The following FBXL8 variants were observed in gnomAD, a reference collection of about 807,000 sequenced individuals.
FBXL8 encodes F-box/LRR-repeat protein 8.
Under a neutral mutation model 8.2 loss-of-function variants are expected in FBXL8, and 13 were observed. The ratio of observed to expected loss-of-function variants is 1.58; its 90% CI spans 1.03 to 2.51. The LOEUF (loss-of-function observed/expected upper bound fraction) is 2.51. Ranked by LOEUF, FBXL8 falls within the 30% of genes most tolerant of loss-of-function variation. FBXL8 has a pLI of 0.00. For synonymous variants in FBXL8, 271 were observed against 260.5 expected (o/e 1.04, Z -0.39); for missense variants, 565 against 540.4 (o/e 1.05, Z -0.45).
At chr16:67,160,799 C>G (rs1160267237) in intron 1 of FBXL8, among the ~76,000 whole-genome samples, 10 of 152,256 alleles carry the variant, frequency 6.6e-5, no homozygotes, top group Admixed American at 6.5e-5. Context: ...AAAGGCTGCG[C>G]TCCAGGGTGG....
At chr16:67,162,728 C>A in intron 2 of FBXL8, 120 bp from the exon 3 acceptor site, 1 of 1,358,624 alleles carries the variant, frequency 7.4e-7, no homozygotes, top group Non-Finnish European at 1.0e-6. Context: ...TGAACAGAGA[C>A]GTGGGGAGGG....
At position 67,163,018 on chromosome 16, in the gene FBXL8, T is replaced by C; in HGVS notation, c.323T>C (p.Leu108Pro). 1 of 1,556,642 alleles carries C rather than the reference T, an allele frequency of 6.4e-7. No homozygotes were observed. Among genetic ancestry groups the C allele is most frequent in the Non-Finnish European group, 8.7e-7 (1 of 1,150,176 alleles). Residue 108 changes from leucine to proline, a missense_variant, in exon 3 of 3, where the codon CTG becomes CCG. Transcript: ENST00000258200. The stretch of plus-strand genomic sequence containing the variant: ...GCCCCGGGGCTGCGAGGCCTGCGCC[T>C]GGAGTGCCGCGGAGAAAAACCGCTC... ...GRAPGLRGLR[L>P]ECRGEKPLFD...
chr16:67,161,837 C>T lies in FBXL8; in HGVS notation c.52C>T (p.Arg18Cys), dbSNP rs769319847. 4 of 1,610,484 alleles carry T rather than the reference C, an allele frequency of 2.5e-6. No homozygotes were observed. The highest frequency in any genetic ancestry group is 1.1e-5 in the South Asian group (1 of 90,296). The change falls in exon 2 of 3, where the codon CGC (arginine) becomes TGC (cysteine). Residue 18 changes from arginine (R) to cysteine (C), a missense_variant. Arg to Cys is a radical substitution (Grantham distance 180, BLOSUM62 -3). Coordinates refer to ENST00000258200, the MANE Select transcript of FBXL8 (RefSeq NM_018378.3). ...LPEEVLALIF[R>C]HLSLRDRAAA... Reference sequence around the variant, plus strand: ...AGAGGAGGTGCTGGCACTCATCTTCCGCCACCTGTCCCTGAGAGACCGTGC... The same window carrying T: ...AGAGGAGGTGCTGGCACTCATCTTCTGCCACCTGTCCCTGAGAGACCGTGC...
chr16:67,163,272 C>G lies in FBXL8; in HGVS notation c.577C>G (p.Leu193Val), dbSNP rs369684413. ...VLELLEACPRLRALGLHLASL... is the reference protein window; with the variant it reads ...VLELLEACPRVRALGLHLASL... Reference sequence around the variant, plus strand: ...CGAGCTACTGGAGGCCTGCCCGCGCCTGCGCGCTCTCGGCCTGCACCTAGC... The same window carrying G: ...CGAGCTACTGGAGGCCTGCCCGCGCGTGCGCGCTCTCGGCCTGCACCTAGC... The change falls in exon 3 of 3, where the codon CTG becomes GTG. Residue 193 changes from leucine to valine, a missense_variant. Leu to Val is a conservative substitution (Grantham distance 32, BLOSUM62 1). Transcript: ENST00000258200. 6.6e-5 allele frequency: 103 copies of G among 1,570,288 alleles called. No homozygotes were observed. Among genetic ancestry groups the G allele is most frequent in the Non-Finnish European group, 8.3e-5 (96 of 1,159,074 alleles).
rs376436717 is a variant in FBXL8 at position 67,163,852 on chromosome 16, C to A, written c.*32C>A. 19 of 1,513,674 alleles carry A rather than the reference C, an allele frequency of 1.3e-5. No individual in the cohort carries two copies. In the African/African-American group the frequency reaches 2.4e-4, roughly 19 times the overall value. The allele number at this position is 1,513,674 out of a possible 1,614,324, so 93.8% of individuals were successfully genotyped here. A position where few individuals can be genotyped will look rare whatever the true frequency, so the allele number is the denominator to read the frequency against. ...GACTTCTCTCCCCCGTCCCCGTGGA[C>A]GTAAGCGCTCTGAGAGGGAACGGGG... On this transcript the variant is annotated 3_prime_UTR_variant, in exon 3 of 3. Transcript: ENST00000258200.
Position 67,161,738 on chromosome 16 carries a change from G to A in FBXL8, c.-48G>A, listed in dbSNP as rs770600823. ...AGAGACGTCCGTCTCTCTCCAGGCC[G>A]GAGCTATTGGGAGTGGCGGATCCTC... On this transcript the variant is annotated 5_prime_UTR_variant, in exon 2 of 3. Transcript: ENST00000258200. 4 of 1,522,594 alleles carry A rather than the reference G, an allele frequency of 2.6e-6. No homozygotes were observed. Among genetic ancestry groups the A allele is most frequent in the Non-Finnish European group, 2.7e-6 (3 of 1,130,442 alleles). The allele number at this position is 1,522,594 out of a possible 1,614,324, so 94.3% of individuals were successfully genotyped here.
intron 1 of FBXL8, 124 bp from the exon 2 acceptor site, chr16:67,161,607 TTATC>T: frequency 1.6e-6 from 1 of 642,676 alleles, no homozygotes; most frequent in Non-Finnish European, 2.4e-6. Context: ...AGTTTCGGGG[TTATC>T]TGATGCCCCA....
At position 67,163,711 on chromosome 16, in the gene FBXL8, T is replaced by C. The variant is rs1336028130; in HGVS notation, c.1016T>C (p.Val339Ala). 2 of 1,595,478 alleles carry C rather than the reference T, an allele frequency of 1.3e-6. No individual in the cohort carries two copies. Among genetic ancestry groups the C allele is most frequent in the Admixed American group, 1.7e-5 (1 of 59,620 alleles). The change falls in exon 3 of 3, where the codon GTG becomes GCG. Residue 339 changes from valine (V) to alanine (A), a missense_variant. By Grantham distance (64) the Val-to-Ala change is moderately conservative (BLOSUM62 0). Transcript: ENST00000258200. Reference sequence around the variant, plus strand: ...CGCGAGGTGCATTGTTTCTGCGTGGTGAGCCACTCGGTGCTGGACGCCTTC... The same window carrying C: ...CGCGAGGTGCATTGTTTCTGCGTGGCGAGCCACTCGGTGCTGGACGCCTTC... ...ALREVHCFCV[V>A]SHSVLDAFRA...
chr16:67,160,626 G>A (rs1438539455), intron 1 of FBXL8, among the ~76,000 whole-genome samples: 1 of 152,204 alleles, frequency 6.6e-6, no homozygotes, highest in Non-Finnish European at 1.5e-5. Flanking sequence ...CAGAAGAATC[G>A]CTTGAACCCG....
chr16:67,163,421 G>A lies in FBXL8; in HGVS notation c.726G>A (p.Trp242Ter), dbSNP rs992923412. 4 of 1,536,592 alleles carry A rather than the reference G, an allele frequency of 2.6e-6. No homozygotes were observed. The African/African-American group carries it at 5.5e-5, about 21-fold the overall frequency. The change falls in exon 3 of 3, where the codon TGG (tryptophan) becomes TGA (stop). Residue 242 changes from tryptophan (W) to a stop codon, truncating the protein, a stop_gained. Transcript: ENST00000258200. LOFTEE classifies it low-confidence loss of function (END_TRUNC). ...CGTCCCCGCTGCCCAACGAAGCCTG[G>A]GTCGCGTTGCGCCGCCGCCACCCTG... is the stretch of plus-strand genomic sequence containing the variant. ...ARASPLPNEA[W>*]VALRRRHPGL... is the part of the protein sequence containing the mutation.
Position 67,162,871 on chromosome 16 carries a change from T to C in FBXL8, c.176T>C (p.Met59Thr). 1 of 1,551,542 alleles carries C rather than the reference T, an allele frequency of 6.4e-7. No individual in the cohort carries two copies. Among genetic ancestry groups the C allele is most frequent in the Non-Finnish European group, 8.7e-7 (1 of 1,147,086 alleles). The change falls in exon 3 of 3, where the codon ATG (methionine) becomes ACG (threonine). Residue 59 changes from methionine (M) to threonine (T), a missense_variant. Physicochemically the swap from Met to Thr is moderately conservative, Grantham distance 81 (BLOSUM62 -1). Transcript: ENST00000258200. Reference sequence around the variant, plus strand: ...AGTTGCGAATGTGAGCTGGAAGGCATGCTGCCACCTTATCTGTCCGCCTGC... The same window carrying C: ...AGTTGCGAATGTGAGCTGGAAGGCACGCTGCCACCTTATCTGTCCGCCTGC... ...KISCECELEG[M>T]LPPYLSACLD...
chr16:67,160,872 A>T (rs1170918647), intron 1 of FBXL8, among the ~76,000 whole-genome samples: 1 of 152,184 alleles, frequency 6.6e-6, no homozygotes, highest in Middle Eastern at 3.2e-3. Flanking sequence ...CAGGGGTCGG[A>T]ACTTAAATCT....
In FBXL8 at chr16:67,163,944, C is replaced by T. The variant is rs189620418; in HGVS notation, c.*124C>T. 2.2e-4 allele frequency: 313 copies of T among 1,419,752 alleles called. No individual in the cohort carries two copies. In the African/African-American group the frequency reaches 4.0e-3, roughly 18 times the overall value. 87.9% of individuals were successfully genotyped at this position (1,419,752 alleles called of 1,614,324 possible). A position where few individuals can be genotyped will look rare whatever the true frequency, so the allele number is the denominator to read the frequency against. ...GGATTGTTGCCCCCCGGGTCTTTAC[C>T]GAGTTGGGAACTGTGATGGCATCGG... On this transcript the variant is annotated 3_prime_UTR_variant, in exon 3 of 3. Coordinates refer to ENST00000258200, the MANE Select transcript of FBXL8 (RefSeq NM_018378.3).
intron 2 of FBXL8, chr16:67,162,306 C>T (rs998461562): frequency 1.6e-5 from 7 of 434,052 alleles, no homozygotes; most frequent in Admixed American, 3.7e-5. Context: ...TCCAGCTTGG[C>T]GACAGAGTAA....
At chr16:67,161,709 C>A in intron 1 of FBXL8, 26 bp from the exon 2 acceptor site, 1 of 1,455,122 alleles carries the variant, frequency 6.9e-7, no homozygotes, top group South Asian at 1.4e-5. Flanking sequence ...GCCTTCCCGA[C>A]CTCAGAGACG....
At position 67,162,351 on chromosome 16, in the gene FBXL8, C is replaced by T. The variant is rs1169667290; in HGVS notation, c.152+414C>T. 1.2e-5 allele frequency: 6 copies of T among 514,892 alleles called. No homozygotes were observed. In the South Asian group the frequency reaches 1.3e-4, roughly 11 times the overall value. The allele number at this position is 514,892 out of a possible 1,614,324, so 31.9% of individuals were successfully genotyped here. A position where few individuals can be genotyped will look rare whatever the true frequency, so the allele number is the denominator to read the frequency against. Reference sequence around the variant, plus strand: ...TCAAAATAATAATAATAATTGCTGACGTATTGACTGCCTAGTATATACCAA... The same window carrying T: ...TCAAAATAATAATAATAATTGCTGATGTATTGACTGCCTAGTATATACCAA... On this transcript the variant is annotated intron_variant, in intron 2 of 2. Transcript: ENST00000258200.
Position 67,163,277 on chromosome 16 carries a change from C to T in FBXL8, c.582C>T (p.Arg194=). The change falls in exon 3 of 3, where the codon CGC becomes CGT. Residue 194 remains arginine, a synonymous_variant. Coordinates refer to ENST00000258200, the MANE Select transcript of FBXL8 (RefSeq NM_018378.3). ...TACTGGAGGCCTGCCCGCGCCTGCG[C>T]GCTCTCGGCCTGCACCTAGCCAGTT... is the stretch of plus-strand genomic sequence containing the variant. ...LELLEACPRL[R]ALGLHLASLS... 1 of 1,571,764 alleles carries T rather than the reference C, an allele frequency of 6.4e-7. No individual in the cohort carries two copies. Among genetic ancestry groups the T allele is most frequent in the Non-Finnish European group, 8.6e-7 (1 of 1,160,080 alleles).
At chr16:67,162,485 G>A in intron 2 of FBXL8, 1 of 655,760 alleles carries the variant, frequency 1.5e-6, no homozygotes, top group Non-Finnish European at 2.8e-6. Flanking sequence ...GGAAACTGAG[G>A]CAAAGAGACT....
Position 67,163,330 on chromosome 16 carries a change from C to T in FBXL8, c.635C>T (p.Ala212Val), listed in dbSNP as rs766825950. Residue 212 changes from alanine to valine, a missense_variant, in exon 3 of 3, where the codon GCG (alanine) becomes GTG (valine). Physicochemically the swap from Ala to Val is moderately conservative, Grantham distance 64. Coordinates refer to ENST00000258200, the MANE Select transcript of FBXL8 (RefSeq NM_018378.3). ...TCGCACGCCATCCTCGAAGCACTGG[C>T]GGCGCCAGACCGAGCGCCTTTCGCG... ...SLSHAILEAL[A>V]APDRAPFALL... 30 of 1,568,490 alleles carry T rather than the reference C, an allele frequency of 1.9e-5. No homozygotes were observed. The highest frequency in any genetic ancestry group is 2.4e-5 in the Non-Finnish European group (28 of 1,161,146).
Sources: gnomAD v4.1 joint callset for allele counts (sites outside exome capture counted in the v4.1 genomes callset) on GRCh38, gnomAD v4.1.1 for gene constraint, MANE v1.5 for transcripts, NCBI Gene and HGNC (gene_info 2026-07-23, HGNC 2026-07-21) for gene names.